CCDC7: variants seen among roughly 807,000 people sequenced by gnomAD.
CCDC7 encodes coiled-coil domain containing 7.
In CCDC7, 183 loss-of-function variants were observed where a neutral mutation model predicts 196.9. The observed-to-expected ratio is 0.93, with a 90% CI of 0.82 to 1.05. The LOEUF (loss-of-function observed/expected upper bound fraction) is 1.05. Ranked by LOEUF, CCDC7 falls within the 50% of genes least tolerant of loss-of-function variation. The probability of loss-of-function intolerance (pLI) is 0.00; values close to 1 mark genes in which losing one functional copy is unlikely to be tolerated. For missense variants in CCDC7, 1,540 were observed against 1,482.2 expected, an observed-to-expected ratio of 1.04 and a Z score of -0.64; for synonymous variants, 525 against 484.6, an observed-to-expected ratio of 1.08 and a Z score of -1.10.
At chr10:32,674,106 T>C (rs898572962) in intron 21 of CCDC7, among the ~76,000 whole-genome samples, 1 of 150,270 alleles carries the variant, frequency 6.7e-6, no homozygotes, top group Admixed American at 6.6e-5. Context: ...ATTTTATTTA[T>C]TTCTGTTCTA....
chr10:32,720,185 A>G (rs1477667668), intron 25 of CCDC7, among the ~76,000 whole-genome samples: 2 of 152,202 alleles, frequency 1.3e-5, no homozygotes, highest in African/African-American at 2.4e-5. Context: ...AACATGGCAC[A>G]TATACACCAT....
intron 11 of CCDC7, among the ~76,000 whole-genome samples, chr10:32,522,531 G>T (rs1386362311): frequency 6.6e-6 from 1 of 151,908 alleles, no homozygotes; most frequent in Non-Finnish European, 1.5e-5. Flanking sequence ...TTTCATATCT[G>T]ATTTTTATTT....
chr10:32,577,971 G>A (rs2058383784), intron 16 of CCDC7, among the ~76,000 whole-genome samples: 1 of 152,180 alleles, frequency 6.6e-6, no homozygotes, highest in African/African-American at 2.4e-5. Flanking sequence ...ATCCAAAGAT[G>A]TAGGAAATGA....
At chr10:32,635,543 G>C (rs889508015) in intron 20 of CCDC7, among the ~76,000 whole-genome samples, 1 of 152,072 alleles carries the variant, frequency 6.6e-6, no homozygotes, top group African/African-American at 2.4e-5. Context: ...CCAGCACTTT[G>C]GGAGGTAAAG....
chr10:32,636,083 A>G (rs2065584582), intron 20 of CCDC7, among the ~76,000 whole-genome samples: 1 of 152,200 alleles, frequency 6.6e-6, no homozygotes, highest in Admixed American at 6.6e-5. Context: ...TACTTCAACT[A>G]GTTGGTCTCT....
chr10:32,632,902 C>T (rs1378559611), intron 18 of CCDC7, among the ~76,000 whole-genome samples: 2 of 152,104 alleles, frequency 1.3e-5, no homozygotes, highest in African/African-American at 2.4e-5. Context: ...TAGAGCAACA[C>T]GTATTTGTCT....
At chr10:32,472,513 G>C (rs2038154520) in exon 7 of CCDC7, 1 of 1,588,338 alleles carries the variant, frequency 6.3e-7, no homozygotes, top group Non-Finnish European at 8.6e-7. Context: ...GCAGTGAAAA[G>C]TTGTGAAGCT....
At chr10:32,480,931 A>G (rs1306771432) in intron 8 of CCDC7, among the ~76,000 whole-genome samples, 1 of 152,160 alleles carries the variant, frequency 6.6e-6, no homozygotes, top group African/African-American at 2.4e-5. Context: ...TTTGTCCATT[A>G]TTGAATGTAG....
chr10:32,636,802 A>T (rs2065739832), intron 20 of CCDC7, among the ~76,000 whole-genome samples: 1 of 152,252 alleles, frequency 6.6e-6, no homozygotes, highest in African/African-American at 2.4e-5. Context: ...AAGAATCGCC[A>T]CACAGACTTC....
At chr10:32,528,809 T>A (rs543535863) in intron 11 of CCDC7, among the ~76,000 whole-genome samples, 138 of 136,294 alleles carry the variant, frequency 1.0e-3, no homozygotes, top group African/African-American at 3.7e-3. Flanking sequence ...ATATATATAT[T>A]TATATTTTCT....
intron 25 of CCDC7, 37 bp from the exon 27 acceptor site, chr10:32,726,697 G>C: frequency 8.5e-7 from 1 of 1,179,862 alleles, no homozygotes; most frequent in Non-Finnish European, 1.2e-6. Context: ...TTCATTTAGC[G>C]GACTAAATGT....
chr10:32,601,830 G>C (rs939390574), intron 18 of CCDC7, among the ~76,000 whole-genome samples: 22 of 152,064 alleles, frequency 1.4e-4, no homozygotes, highest in African/African-American at 4.3e-4. Context: ...TCAGCGCTCT[G>C]TGTGTAGCTA....
intron 18 of CCDC7, among the ~76,000 whole-genome samples, chr10:32,615,819 C>T (rs908667814): frequency 6.6e-6 from 1 of 152,014 alleles, no homozygotes; most frequent in Non-Finnish European, 1.5e-5. Flanking sequence ...TAGTTTAGGT[C>T]TTTAATCCAT....
At chr10:32,638,842 T>C (rs917445790) in intron 20 of CCDC7, among the ~76,000 whole-genome samples, 2 of 152,194 alleles carry the variant, frequency 1.3e-5, no homozygotes, top group Non-Finnish European at 2.9e-5. Flanking sequence ...AGAATTCGGC[T>C]GTGAATCCAT....
chr10:32,805,746 C>T (rs1347609076), intron 30 of CCDC7, among the ~76,000 whole-genome samples: 2 of 152,188 alleles, frequency 1.3e-5, no homozygotes, highest in Non-Finnish European at 2.9e-5. Flanking sequence ...GTGGTTGTTA[C>T]ATGCCCAAAG....
At chr10:32,713,866 A>G (rs189753231) in intron 25 of CCDC7, among the ~76,000 whole-genome samples, 53 of 152,344 alleles carry the variant, frequency 3.5e-4, no homozygotes, top group African/African-American at 1.2e-3. Flanking sequence ...GCCAGTTAAT[A>G]TCTGGACTAT....
chr10:32,764,874 C>T (rs1038899661), intron 28 of CCDC7, among the ~76,000 whole-genome samples: 3 of 152,008 alleles, frequency 2.0e-5, no homozygotes, highest in South Asian at 2.1e-4. Context: ...ACATCAGAAA[C>T]AACAGTGTCA....
intron 28 of CCDC7, among the ~76,000 whole-genome samples, chr10:32,765,938 C>G (rs2078223199): frequency 6.6e-6 from 1 of 152,058 alleles, no homozygotes; most frequent in Non-Finnish European, 1.5e-5. Flanking sequence ...AGCAATGCAT[C>G]TTCACTGTCC....
intron 10 of CCDC7, 107 bp downstream of exon 11, chr10:32,518,082 TAGTTTATTTA>T (rs1264122915): frequency 1.5e-6 from 2 of 1,354,520 alleles, no homozygotes; most frequent in Non-Finnish European, 2.0e-6. Flanking sequence ...AATCCTTACT[TAGTTTATTTA>T]AGAGATTTGT....
Sources: allele counts gnomAD v4.1 joint callset (sites outside exome capture counted in the v4.1 genomes callset), GRCh38; gene constraint gnomAD v4.1.1; transcripts MANE v1.5; gene names NCBI Gene and HGNC (gene_info 2026-07-23, HGNC 2026-07-21).